The following SUSD6 variants were observed in gnomAD, a reference collection of about 807,000 sequenced individuals.
SUSD6 encodes the protein sushi domain-containing protein 6.
SUSD6 carries 16 observed loss-of-function variants against 28.4 expected under a neutral mutation model. The ratio of observed to expected loss-of-function variants is 0.56; its 90% CI spans 0.38 to 0.86. The LOEUF is 0.86. SUSD6 is among the 40% of genes least tolerant of loss of function. The pLI, the probability that SUSD6 is intolerant of heterozygous loss-of-function variation, is 0.00. For synonymous variants in SUSD6, 147 were observed against 159.6 expected, an observed-to-expected ratio of 0.92 and a Z score of 0.59; for missense variants, 341 against 384.2, an observed-to-expected ratio of 0.89 and a Z score of 0.94.
intron 2 of SUSD6, among the ~76,000 whole-genome samples, chr14:69,693,419 G>A (rs911829058): frequency 2.2e-4 from 34 of 152,146 alleles, no homozygotes; most frequent in African/African-American, 8.0e-4. Context: ...CTGTATTGTC[G>A]AGAACGGGAA....
At chr14:69,684,745 G>A (rs1030226968) in intron 2 of SUSD6, among the ~76,000 whole-genome samples, 7 of 152,224 alleles carry the variant, frequency 4.6e-5, no homozygotes, top group African/African-American at 1.2e-4. Context: ...AGGTCAGGCC[G>A]AGGCTCCACT....
At chr14:69,702,130 T>C (rs78024375) in intron 2 of SUSD6, among the ~76,000 whole-genome samples, 4 of 152,272 alleles carry the variant, frequency 2.6e-5, no homozygotes, top group Non-Finnish European at 5.9e-5. Context: ...TCAGAGGAAA[T>C]GAGAAAAAGA....
At chr14:69,685,443 C>G (rs571587923) in intron 2 of SUSD6, among the ~76,000 whole-genome samples, 2 of 152,136 alleles carry the variant, frequency 1.3e-5, no homozygotes, top group African/African-American at 4.8e-5. Flanking sequence ...GCATAGAGTT[C>G]GGGGAAACCC....
chr14:69,625,609 G>C (rs1044024030), intron 1 of SUSD6, among the ~76,000 whole-genome samples: 4 of 152,208 alleles, frequency 2.6e-5, no homozygotes, highest in African/African-American at 9.7e-5. Flanking sequence ...GGGTTAGCAA[G>C]GGTCAATGTG....
At chr14:69,709,395 G>A (rs79106291) in intron 5 of SUSD6, among the ~76,000 whole-genome samples, 1 of 152,260 alleles carries the variant, frequency 6.6e-6, no homozygotes, top group African/African-American at 2.4e-5. Context: ...CTGGAGTTGG[G>A]GGTGGGGTCT....
intron 1 of SUSD6, among the ~76,000 whole-genome samples, chr14:69,644,715 T>C (rs1180055637): frequency 6.6e-6 from 1 of 152,164 alleles, no homozygotes; most frequent in African/African-American, 2.4e-5. Context: ...AAGTTATTCA[T>C]TTGGTGCCTT....
Position 69,677,399 on chromosome 14 carries a change from T to C in SUSD6, c.121+18686T>C, listed in dbSNP as rs537622508. 1.2e-3 allele frequency among the ~76,000 whole-genome samples: 176 copies of C among 152,024 alleles called. 1 individual carries two copies. Among genetic ancestry groups the C allele is most frequent in the Non-Finnish European group, 2.1e-3 (145 of 67,958 alleles). Reference sequence around the variant, plus strand: ...TCTCTACTAAAAATACAAAAAAAATTAGCTGGGCGTGGTGGTGGACGCCTG... The same window carrying C: ...TCTCTACTAAAAATACAAAAAAAATCAGCTGGGCGTGGTGGTGGACGCCTG... On this transcript the variant is annotated intron_variant, in intron 2 of 5. Transcript: ENST00000342745.
intron 2 of SUSD6, among the ~76,000 whole-genome samples, chr14:69,683,391 T>C (rs900927795): frequency 9.2e-5 from 14 of 152,160 alleles, no homozygotes; most frequent in Admixed American, 8.5e-4. Flanking sequence ...CATGTCACAT[T>C]TAGAAATGGT....
intron 2 of SUSD6, among the ~76,000 whole-genome samples, chr14:69,693,179 G>GT (rs1295687122): frequency 6.6e-6 from 1 of 152,154 alleles, no homozygotes; most frequent in Non-Finnish European, 1.5e-5. Flanking sequence ...TATAGCAGTG[G>GT]TAGTGGCTTT....
At chr14:69,704,169 C>T (rs2139645876) in intron 3 of SUSD6, among the ~76,000 whole-genome samples, 1 of 152,312 alleles carries the variant, frequency 6.6e-6, no homozygotes, top group African/African-American at 2.4e-5. Flanking sequence ...GATCTTAAGA[C>T]AAGGTTTTAT....
chr14:69,707,739 C>A (rs1886405699), intron 4 of SUSD6, among the ~76,000 whole-genome samples: 2 of 152,024 alleles, frequency 1.3e-5, no homozygotes, highest in Non-Finnish European at 2.9e-5. Context: ...AGAGTAAGAC[C>A]CTTTCTCAAA....
intron 2 of SUSD6, among the ~76,000 whole-genome samples, chr14:69,683,162 TCA>T (rs377087445): frequency 1.6e-4 from 24 of 152,196 alleles, no homozygotes; most frequent in African/African-American, 5.5e-4. Flanking sequence ...GGCAGAAGTC[TCA>T]GAGTTTGCCA....
chr14:69,708,100 T>A (rs1052481137), intron 4 of SUSD6, among the ~76,000 whole-genome samples: 1 of 152,258 alleles, frequency 6.6e-6, no homozygotes, highest in African/African-American at 2.4e-5. Flanking sequence ...AAAAGCAGTA[T>A]GGCTGAGTCA....
intron 2 of SUSD6, among the ~76,000 whole-genome samples, chr14:69,692,014 G>A (rs1343414294): frequency 3.3e-5 from 5 of 150,864 alleles, no homozygotes; most frequent in Non-Finnish European, 7.4e-5. Flanking sequence ...ACTCCAGCTT[G>A]GGTGACAGAG....
intron 4 of SUSD6, among the ~76,000 whole-genome samples, chr14:69,707,369 G>A (rs930464103): frequency 6.6e-6 from 1 of 152,200 alleles, no homozygotes; most frequent in Admixed American, 6.5e-5. Flanking sequence ...ATATCCGCAT[G>A]AATAAGCCTC....
chr14:69,688,542 C>A (rs1594718549), intron 2 of SUSD6, among the ~76,000 whole-genome samples: 1 of 152,318 alleles, frequency 6.6e-6, no homozygotes, highest in East Asian at 1.9e-4. Flanking sequence ...TGTGAGAGAA[C>A]CCTGGAAAAG....
At chr14:69,698,957 A>C (rs1333866884) in intron 2 of SUSD6, among the ~76,000 whole-genome samples, 1 of 152,206 alleles carries the variant, frequency 6.6e-6, no homozygotes, top group Non-Finnish European at 1.5e-5. Flanking sequence ...TCCCAGAGTT[A>C]AGTACAGAGC....
At chr14:69,694,687 A>G (rs2139639581) in intron 2 of SUSD6, among the ~76,000 whole-genome samples, 1 of 152,272 alleles carries the variant, frequency 6.6e-6, no homozygotes, top group African/African-American at 2.4e-5. Flanking sequence ...CTCAAACATG[A>G]AAACTCCAGG....
At chr14:69,685,968 C>G (rs1046502469) in intron 2 of SUSD6, among the ~76,000 whole-genome samples, 1 of 152,234 alleles carries the variant, frequency 6.6e-6, no homozygotes, top group Non-Finnish European at 1.5e-5. Context: ...AGCAGCCTCG[C>G]CAGCTCCCTC....
Sources: gnomAD v4.1 joint callset for allele counts (sites outside exome capture counted in the v4.1 genomes callset) on GRCh38, gnomAD v4.1.1 for gene constraint, MANE v1.5 for transcripts, NCBI Gene and HGNC (gene_info 2026-07-23, HGNC 2026-07-21) for gene names.